Variants in IL1RAPL2 observed in about 807,000 individuals in gnomAD.
IL1RAPL2 encodes interleukin 1 receptor accessory protein like 2.
A neutral mutation model predicts 44.1 loss-of-function variants in IL1RAPL2; 3 were observed. The ratio of observed to expected loss-of-function variants is 0.07; its 90% CI spans 0.03 to 0.18. IL1RAPL2 has a LOEUF of 0.18. Among genes scored for constraint, IL1RAPL2 ranks in the 10% least tolerant of loss-of-function variants. IL1RAPL2 has a pLI of 1.00. For synonymous variants in IL1RAPL2, 181 were observed against 178.8 expected (o/e 1.01, Z -0.10); for missense variants, 391 against 496.4 (o/e 0.79, Z 2.02).
chrX:105,243,605 A>ATAT (rs1556211250), intron 4 of IL1RAPL2, among the ~76,000 whole-genome samples: 1 of 97,400 alleles, frequency 1.0e-5, no homozygotes, highest in African/African-American at 3.9e-5. Context: ...ATATATATAT[A>ATAT]TTTTTTTTTT....
chrX:105,527,546 T>C (rs1456764520), intron 6 of IL1RAPL2, among the ~76,000 whole-genome samples: 2 of 110,340 alleles, frequency 1.8e-5, no homozygotes, highest in Non-Finnish European at 3.8e-5. Context: ...GCAACTATGG[T>C]ACAATTTGTG....
chrX:104,840,306 T>C (rs1319180426), intron 2 of IL1RAPL2, among the ~76,000 whole-genome samples: 1 of 112,187 alleles, frequency 8.9e-6, no homozygotes, highest in Non-Finnish European at 1.9e-5. Flanking sequence ...GATTTCTGCC[T>C]TAATTTTGTT....
chrX:105,371,760 CA>C (rs1201139015), intron 5 of IL1RAPL2, among the ~76,000 whole-genome samples: 1 of 112,246 alleles, frequency 8.9e-6, no homozygotes, highest in Non-Finnish European at 1.9e-5. Context: ...TGAACACAAA[CA>C]CCATTTGTTT....
chrX:105,617,385 A>C (rs980110420), intron 6 of IL1RAPL2, among the ~76,000 whole-genome samples: 7 of 111,245 alleles, frequency 6.3e-5, no homozygotes, highest in Non-Finnish European at 7.5e-5. Context: ...GACAACCTCA[A>C]GCAGCAGCTA....
At chrX:105,571,297 A>T (rs1174808297) in intron 6 of IL1RAPL2, among the ~76,000 whole-genome samples, 1 of 111,885 alleles carries the variant, frequency 8.9e-6, no homozygotes, top group Non-Finnish European at 1.9e-5. Flanking sequence ...TTTCTAAATT[A>T]TAAGTCTTTT....
intron 6 of IL1RAPL2, among the ~76,000 whole-genome samples, chrX:105,549,350 A>AT (rs1190246495): frequency 8.9e-6 from 1 of 112,367 alleles, no homozygotes; most frequent in Non-Finnish European, 1.9e-5. Flanking sequence ...GTTAGGAATT[A>AT]TAGAAACCTT....
chrX:105,314,930 A>G (rs2034825709), intron 5 of IL1RAPL2, among the ~76,000 whole-genome samples: 1 of 112,313 alleles, frequency 8.9e-6, no homozygotes, highest in African/African-American at 3.2e-5. Flanking sequence ...ATCATTTTTT[A>G]AATTGTCAAA....
chrX:105,051,834 A>G (rs2031930678), intron 2 of IL1RAPL2, among the ~76,000 whole-genome samples: 3 of 112,433 alleles, frequency 2.7e-5, no homozygotes, highest in African/African-American at 9.7e-5. Context: ...ACATGAACAC[A>G]GAGAGGGGAA....
chrX:105,656,777 T>C (rs1228917736), intron 6 of IL1RAPL2, among the ~76,000 whole-genome samples: 2 of 111,671 alleles, frequency 1.8e-5, no homozygotes, highest in Non-Finnish European at 3.8e-5. Context: ...TTGCAAAGAA[T>C]ATCACAGGTT....
rs782429352 is a variant in IL1RAPL2 at position 105,217,427 on chromosome X, G to A, written c.357-16391G>A. 3.0e-3 allele frequency among the ~76,000 whole-genome samples: 336 copies of A among 111,681 alleles called. 2 individuals carry two copies. The highest frequency in any genetic ancestry group is 8.6e-3 in the African/African-American group (264 of 30,719). The stretch of plus-strand genomic sequence containing the variant: ...ACCACCTCACACCAGTTAGAATGGC[G>A]ATCATTAAAAAGTCAGGAAACAACA... On this transcript the variant is annotated intron_variant, in intron 3 of 10. Coordinates refer to ENST00000372582, the MANE Select transcript of IL1RAPL2 (RefSeq NM_017416.2).
intron 2 of IL1RAPL2, among the ~76,000 whole-genome samples, chrX:104,956,790 T>C (rs909760552): frequency 9.0e-6 from 1 of 111,688 alleles, no homozygotes; most frequent in African/African-American, 3.3e-5. Context: ...CTGTCCTTTT[T>C]TCTCACTAAG....
chrX:104,828,659 C>A (rs7888084), intron 2 of IL1RAPL2, among the ~76,000 whole-genome samples: 46,304 of 111,153 alleles, frequency 0.42, 7,061 homozygotes, highest in East Asian at 0.46. Context: ...GAGCGTTGTG[C>A]TGGGAGATCT....
intron 2 of IL1RAPL2, among the ~76,000 whole-genome samples, chrX:104,660,436 T>C (rs1042058821): frequency 6.4e-5 from 7 of 109,014 alleles, no homozygotes; most frequent in Non-Finnish European, 1.3e-4. Flanking sequence ...TTATGGTAGC[T>C]TAATTGAAGT....
chrX:105,007,386 G>A (rs1461317535), intron 2 of IL1RAPL2, among the ~76,000 whole-genome samples: 1 of 111,579 alleles, frequency 9.0e-6, no homozygotes, highest in African/African-American at 3.2e-5. Flanking sequence ...TGGGTCATCT[G>A]ATACAAGCCA....
At chrX:105,070,459 T>C (rs1485654323) in intron 2 of IL1RAPL2, among the ~76,000 whole-genome samples, 1 of 111,389 alleles carries the variant, frequency 9.0e-6, no homozygotes, top group Non-Finnish European at 1.9e-5. Flanking sequence ...TTTGGGAGGC[T>C]GAGGCAGGTG....
intron 2 of IL1RAPL2, among the ~76,000 whole-genome samples, chrX:104,922,759 A>G (rs1160245447): frequency 1.8e-5 from 2 of 111,502 alleles, no homozygotes; most frequent in African/African-American, 6.5e-5. Context: ...AAAAAACATA[A>G]CGTTTTGACA....
At chrX:105,068,396 T>G (rs934829431) in intron 2 of IL1RAPL2, among the ~76,000 whole-genome samples, 1 of 111,965 alleles carries the variant, frequency 8.9e-6, no homozygotes, top group Non-Finnish European at 1.9e-5. Flanking sequence ...GTGTTCTACG[T>G]TCTTTCCCCT....
intron 2 of IL1RAPL2, among the ~76,000 whole-genome samples, chrX:105,078,481 G>A (rs1218742181): frequency 8.9e-6 from 1 of 112,363 alleles, no homozygotes; most frequent in Non-Finnish European, 1.9e-5. Context: ...TCGGGGGTCA[G>A]GGACCCACTT....
chrX:105,060,101 C>T (rs1175879777), intron 2 of IL1RAPL2, among the ~76,000 whole-genome samples: 1 of 111,501 alleles, frequency 9.0e-6, no homozygotes, highest in Non-Finnish European at 1.9e-5. Flanking sequence ...TGTCCACATC[C>T]TCGTCAGCAT....
Sources: allele counts gnomAD v4.1 joint callset (sites outside exome capture counted in the v4.1 genomes callset), GRCh38; gene constraint gnomAD v4.1.1; transcripts MANE v1.5; gene names NCBI Gene and HGNC (gene_info 2026-07-23, HGNC 2026-07-21).